Variants in KCNMA1 observed in about 807,000 individuals in gnomAD.
KCNMA1 encodes potassium calcium-activated channel subfamily M alpha 1, also known as Calcium-activated potassium channel subunit alpha-1.
Under a neutral mutation model 140.0 loss-of-function variants are expected in KCNMA1, and 29 were observed. The observed-to-expected ratio is 0.21, with a 90% CI of 0.15 to 0.28. The LOEUF is 0.28. KCNMA1 is among the 10% of genes least tolerant of loss of function. The pLI is 1.00. For missense variants in KCNMA1, 880 were observed against 1,602.2 expected, an observed-to-expected ratio of 0.55 and a Z score of 7.70; for synonymous variants, 612 against 611.9, an observed-to-expected ratio of 1.00 and a Z score of 0.00.
chr10:77,597,968 T>C (rs1015489803), intron 1 of KCNMA1, among the ~76,000 whole-genome samples: 34 of 152,264 alleles, frequency 2.2e-4, no homozygotes, highest in Middle Eastern at 6.8e-3. Context: ...TATTTTTGTT[T>C]TGTTTTGTTT....
At chr10:77,000,712 A>T (rs538862912) in intron 19 of KCNMA1, among the ~76,000 whole-genome samples, 1 of 152,066 alleles carries the variant, frequency 6.6e-6, no homozygotes, top group South Asian at 2.1e-4. Flanking sequence ...ACAGTCCTTC[A>T]AAATAGTCAT....
intron 2 of KCNMA1, among the ~76,000 whole-genome samples, chr10:77,290,550 T>C (rs2072852571): frequency 6.6e-6 from 1 of 152,166 alleles, no homozygotes; most frequent in African/African-American, 2.4e-5. Flanking sequence ...AGCACTTTAA[T>C]CCCATTACCC....
At chr10:76,966,866 T>C (rs1179970091) in intron 20 of KCNMA1, among the ~76,000 whole-genome samples, 1 of 152,154 alleles carries the variant, frequency 6.6e-6, no homozygotes, top group Admixed American at 6.6e-5. Context: ...TTCAGCTCTA[T>C]CTGGACATGA....
chr10:77,627,776 G>A (rs893399242), intron 1 of KCNMA1, among the ~76,000 whole-genome samples: 1 of 152,290 alleles, frequency 6.6e-6, no homozygotes, highest in South Asian at 2.1e-4. Flanking sequence ...CAAGTTCATC[G>A]TAAGGTGGGT....
intron 1 of KCNMA1, among the ~76,000 whole-genome samples, chr10:77,555,513 G>T (rs1177889127): frequency 6.6e-6 from 1 of 152,142 alleles, no homozygotes; most frequent in Admixed American, 6.5e-5. Context: ...ATTTTTTCAA[G>T]CTTGTCTTTC....
intron 17 of KCNMA1, among the ~76,000 whole-genome samples, chr10:77,017,828 T>G (rs1053772416): frequency 1.3e-5 from 2 of 152,044 alleles, no homozygotes; most frequent in Admixed American, 1.3e-4. Context: ...CTCAGTTTCC[T>G]CATATGTAAA....
At chr10:76,998,637 C>T (rs2085164565) in intron 19 of KCNMA1, among the ~76,000 whole-genome samples, 1 of 152,156 alleles carries the variant, frequency 6.6e-6, no homozygotes. Flanking sequence ...CCTGCCATTT[C>T]TAATTGTCAA....
At chr10:77,168,184 C>T (rs557063216) in intron 5 of KCNMA1, among the ~76,000 whole-genome samples, 12 of 152,104 alleles carry the variant, frequency 7.9e-5, no homozygotes, top group African/African-American at 1.4e-4. Context: ...GATGTGAGTT[C>T]GAATTCTTGC....
At chr10:77,194,495 C>T (rs1257430421) in intron 3 of KCNMA1, among the ~76,000 whole-genome samples, 3 of 152,122 alleles carry the variant, frequency 2.0e-5, no homozygotes, top group Non-Finnish European at 2.9e-5. Context: ...GATGGCATGA[C>T]CCTGGCAATG....
At chr10:77,121,119 G>T (rs1040291283) in intron 5 of KCNMA1, 71 bp from the exon 6 acceptor site, 3 of 1,003,310 alleles carry the variant, frequency 3.0e-6, no homozygotes, top group South Asian at 1.3e-5. Context: ...TCTGCCATTT[G>T]ATTTACAGTT....
intron 23 of KCNMA1, chr10:76,930,317 A>G (rs1461332261): frequency 6.6e-6 from 1 of 152,234 alleles, no homozygotes; most frequent in African/African-American, 2.4e-5. Flanking sequence ...TGGGCAAAGG[A>G]ACCTAATAGA....
exon 28 of KCNMA1, chr10:76,870,700 C>G (rs1239061349): frequency 1.3e-5 from 2 of 152,438 alleles, no homozygotes; most frequent in African/African-American, 2.4e-5. Context: ...AGACCCCTCC[C>G]TGGTGAGTCC....
At chr10:77,090,274 G>T in intron 10 of KCNMA1, 126 bp downstream of exon 10, 2 of 761,144 alleles carry the variant, frequency 2.6e-6, no homozygotes, top group Non-Finnish European at 2.4e-6. Flanking sequence ...AGGGATCATG[G>T]CTTACCCAAC....
intron 2 of KCNMA1, among the ~76,000 whole-genome samples, chr10:77,303,117 C>T (rs915744710): frequency 1.3e-5 from 2 of 152,148 alleles, no homozygotes; most frequent in East Asian, 1.9e-4. Context: ...ACCTACTCTG[C>T]TCTGAACACT....
chr10:77,241,474 C>G (rs893945832), intron 3 of KCNMA1, among the ~76,000 whole-genome samples: 1 of 128,938 alleles, frequency 7.8e-6, no homozygotes, highest in African/African-American at 3.2e-5. Context: ...TGAGACCCCC[C>G]CATCTCTACA....
chr10:77,371,462 G>A (rs1216078321), intron 2 of KCNMA1, among the ~76,000 whole-genome samples: 1 of 152,050 alleles, frequency 6.6e-6, no homozygotes, highest in Non-Finnish European at 1.5e-5. Flanking sequence ...TTGACCCCTG[G>A]GCTGATTTTA....
At chr10:77,182,412 C>T (rs2098810204) in intron 5 of KCNMA1, among the ~76,000 whole-genome samples, 1 of 152,134 alleles carries the variant, frequency 6.6e-6, no homozygotes, top group Non-Finnish European at 1.5e-5. Context: ...AATTGTGGTG[C>T]AATGTAATTA....
intron 1 of KCNMA1, chr10:77,636,827 G>A (rs2093796026): frequency 2.8e-6 from 4 of 1,435,492 alleles, no homozygotes; most frequent in Admixed American, 2.9e-5. Context: ...AAGTATGGGC[G>A]GATGTGCTCC....
At chr10:77,178,257 A>G (rs1179802178) in intron 5 of KCNMA1, among the ~76,000 whole-genome samples, 1 of 152,214 alleles carries the variant, frequency 6.6e-6, no homozygotes, top group Admixed American at 6.5e-5. Flanking sequence ...AAATCACAGT[A>G]CCAGTAGGAT....
Sources: gnomAD v4.1 joint callset for allele counts (sites outside exome capture counted in the v4.1 genomes callset) on GRCh38, gnomAD v4.1.1 for gene constraint, MANE v1.5 for transcripts, NCBI Gene and HGNC (gene_info 2026-07-23, HGNC 2026-07-21) for gene names.